The following DPP6 variants were observed in gnomAD, a reference collection of about 807,000 sequenced individuals.
DPP6 encodes dipeptidyl peptidase like 6, also known as A-type potassium channel modulatory protein DPP6.
Under a neutral mutation model 122.6 loss-of-function variants are expected in DPP6, and 69 were observed. That is an observed-to-expected ratio of 0.56 (90% confidence interval 0.46 to 0.69). The LOEUF (loss-of-function observed/expected upper bound fraction) is 0.69, where lower values mean the gene tolerates loss of function less well. Among genes scored for constraint, DPP6 ranks in the 30% least tolerant of loss-of-function variants. The pLI is 0.00. For missense variants in DPP6, 928 were observed against 1,116.9 expected, an observed-to-expected ratio of 0.83 and a Z score of 2.41; for synonymous variants, 418 against 433.1, an observed-to-expected ratio of 0.97 and a Z score of 0.43.
At chr7:154,811,251 A>G (rs1345084359) in intron 16 of DPP6, among the ~76,000 whole-genome samples, 1 of 152,246 alleles carries the variant, frequency 6.6e-6, no homozygotes, top group Non-Finnish European at 1.5e-5. Flanking sequence ...AACAAAGTAC[A>G]TGGGGAGACA....
intron 1 of DPP6, among the ~76,000 whole-genome samples, chr7:154,060,094 G>A (rs1205127408): frequency 2.7e-5 from 4 of 145,568 alleles, no homozygotes; most frequent in African/African-American, 1.0e-4. Context: ...CATCGCAGGG[G>A]GGGAGGCAAT....
chr7:154,449,721 G>C (rs1166419509), intron 2 of DPP6, among the ~76,000 whole-genome samples: 7 of 152,092 alleles, frequency 4.6e-5, no homozygotes, highest in African/African-American at 1.7e-4. Context: ...AAATAAATGT[G>C]ATGTGGCGGG....
At chr7:154,367,848 T>C (rs1812312191) in intron 1 of DPP6, among the ~76,000 whole-genome samples, 1 of 152,220 alleles carries the variant, frequency 6.6e-6, no homozygotes, top group Non-Finnish European at 1.5e-5. Flanking sequence ...TCTCGCACTG[T>C]TGTCCAGGCG....
At chr7:153,989,120 G>A (rs564086454) in intron 1 of DPP6, among the ~76,000 whole-genome samples, 3 of 150,058 alleles carry the variant, frequency 2.0e-5, no homozygotes, top group South Asian at 2.2e-4. Context: ...GTGGGCGGAG[G>A]AGGGCGGCTC....
intron 3 of DPP6, among the ~76,000 whole-genome samples, chr7:154,495,794 T>C (rs1031383195): frequency 2.0e-5 from 3 of 152,210 alleles, no homozygotes; most frequent in Non-Finnish European, 4.4e-5. Flanking sequence ...TTTAATAAGC[T>C]TGGAGTCCAA....
At chr7:153,838,405 C>T in the DPP6 span, among the ~76,000 whole-genome samples, 1 of 152,160 alleles carries the variant, frequency 6.6e-6, no homozygotes, top group Non-Finnish European at 1.5e-5. Flanking sequence ...TTTCTTCACC[C>T]TGATGTTGAA....
At chr7:153,800,736 T>C in the DPP6 span, among the ~76,000 whole-genome samples, 10 of 151,898 alleles carry the variant, frequency 6.6e-5, no homozygotes, top group African/African-American at 2.2e-4. Context: ...AGGCTGGTCT[T>C]GAACTCCTGA....
At chr7:154,091,500 C>T (rs909844255) in intron 1 of DPP6, among the ~76,000 whole-genome samples, 1 of 152,066 alleles carries the variant, frequency 6.6e-6, no homozygotes, top group Non-Finnish European at 1.5e-5. Flanking sequence ...AATGTGTTCC[C>T]TAGTTTGTAG....
chr7:153,845,898 G>A, the DPP6 span, among the ~76,000 whole-genome samples: 5 of 152,072 alleles, frequency 3.3e-5, no homozygotes, highest in African/African-American at 1.2e-4. Context: ...AGGTTTGAAT[G>A]CACCTTGATT....
the DPP6 span, among the ~76,000 whole-genome samples, chr7:153,869,838 C>A: frequency 2.6e-5 from 4 of 152,224 alleles, no homozygotes; most frequent in South Asian, 6.2e-4. Flanking sequence ...TCTTTTAGGG[C>A]AGGCCTGGTG....
At position 154,590,479 on chromosome 7, in the gene DPP6, T is replaced by C. The variant is rs186609457; in HGVS notation, c.627+23563T>C. ...GTCCGTGTTATGTTTGCATTTGAAG[T>C]AGAAGAGCTAAGCTAAAAAATATGC... On this transcript the variant is annotated intron_variant, in intron 5 of 25. Transcript: ENST00000377770. Among the ~76,000 whole-genome samples, 542 of 149,508 alleles carry C rather than the reference T, an allele frequency of 3.6e-3. 2 individuals carry two copies. The highest frequency in any genetic ancestry group is 6.2e-3 in the Non-Finnish European group (418 of 67,662).
At chr7:153,889,862 A>T (rs988576622) in intron 1 of DPP6, among the ~76,000 whole-genome samples, 3 of 152,224 alleles carry the variant, frequency 2.0e-5, no homozygotes, top group Admixed American at 2.0e-4. Flanking sequence ...TGTTCTTATC[A>T]ATTCTTGAAT....
chr7:154,667,851 T>C (rs1475064898), intron 6 of DPP6, among the ~76,000 whole-genome samples: 1 of 152,026 alleles, frequency 6.6e-6, no homozygotes, highest in Non-Finnish European at 1.5e-5. Flanking sequence ...AGCGGCAATG[T>C]CTTCTCTGAA....
rs908543331 is a variant in DPP6 at position 153,932,756 on chromosome 7, C to T, written c.51+45022C>T. On this transcript the variant is annotated intron_variant, in intron 1 of 25. Transcript: ENST00000404039. ...TGCACAGGGATCCCAGAAGTCTTGG[C>T]TGTGATCCAGGACCTACCATGACTT... Among the ~76,000 whole-genome samples, 11 of 152,278 alleles carry T rather than the reference C, an allele frequency of 7.2e-5. No homozygotes were observed. The South Asian group carries it at 8.3e-4, about 11-fold the overall frequency.
At chr7:153,804,127 G>A in the DPP6 span, among the ~76,000 whole-genome samples, 4 of 151,310 alleles carry the variant, frequency 2.6e-5, no homozygotes, top group Non-Finnish European at 5.9e-5. Context: ...TCGACTCGCT[G>A]CAACCTCCGC....
At chr7:153,889,166 C>T (rs1799079758) in intron 1 of DPP6, among the ~76,000 whole-genome samples, 1 of 152,136 alleles carries the variant, frequency 6.6e-6, no homozygotes, top group Admixed American at 6.5e-5. Flanking sequence ...ACTCCCGAGA[C>T]GACAAGCCCC....
chr7:153,825,058 A>G, the DPP6 span, among the ~76,000 whole-genome samples: 4 of 152,028 alleles, frequency 2.6e-5, no homozygotes, highest in Non-Finnish European at 5.9e-5. Context: ...TAGCTTCGTT[A>G]GGCTTTGCTG....
chr7:154,558,540 TATA>T (rs2130452328), intron 4 of DPP6, among the ~76,000 whole-genome samples: 1 of 152,362 alleles, frequency 6.6e-6, no homozygotes, highest in East Asian at 1.9e-4. Context: ...CCCCTAAGAT[TATA>T]ATATCATATT....
At chr7:154,242,394 G>GTGTGTGTGTGTGTA in intron 1 of DPP6, among the ~76,000 whole-genome samples, 1 of 152,050 alleles carries the variant, frequency 6.6e-6, no homozygotes. Context: ...GTGTGTGTGT[G>GTGTGTGTGTGTGTA]TGTGTATGTG....
Sources: allele counts gnomAD v4.1 joint callset (sites outside exome capture counted in the v4.1 genomes callset), GRCh38; gene constraint gnomAD v4.1.1; transcripts MANE v1.5; gene names NCBI Gene and HGNC (gene_info 2026-07-23, HGNC 2026-07-21).